CFAP20DC: variants seen among roughly 807,000 people sequenced by gnomAD.
CFAP20DC encodes CFAP20 domain containing.
A neutral mutation model predicts 101.7 loss-of-function variants in CFAP20DC; 84 were observed. That is an observed-to-expected ratio of 0.83 (90% CI 0.69 to 0.99). The LOEUF is 0.99. Among genes scored for constraint, CFAP20DC ranks in the 50% least tolerant of loss-of-function variants. The pLI is 0.00. For synonymous variants in CFAP20DC, 359 were observed against 351.2 expected, an observed-to-expected ratio of 1.02 and a Z score of -0.25; for missense variants, 1,007 against 970.3, an observed-to-expected ratio of 1.04 and a Z score of -0.50.
chr3:58,730,006 G>A (rs1014568618), intron 3 of CFAP20DC, among the ~76,000 whole-genome samples: 11 of 118,250 alleles, frequency 9.3e-5, no homozygotes, highest in Middle Eastern at 8.2e-3. Context: ...CAATGAGAGC[G>A]AAACCTGTCT....
intron 6 of CFAP20DC, among the ~76,000 whole-genome samples, chr3:58,896,346 GTTGA>G (rs1559786373): frequency 6.6e-6 from 1 of 151,870 alleles, no homozygotes; most frequent in African/African-American, 2.4e-5. Flanking sequence ...TCCTGGACTC[GTTGA>G]TTTTTTGAAA....
In CFAP20DC at chr3:58,811,680, G is replaced by T. The variant is rs182293736; in HGVS notation, c.2176-5224C>A. Among the ~76,000 whole-genome samples the T allele has an allele frequency of 3.2e-4, 48 of 152,202 alleles. No homozygotes were observed. In the East Asian group the frequency reaches 7.3e-3, roughly 23 times the overall value. On this transcript the variant is annotated intron_variant, in intron 14 of 16. Transcript: ENST00000482387. ...CATGTCTAAAACACCAAAGTCAATG[G>T]CAACAAAAGCCAAAATTGACAAATG...
chr3:58,783,449 T>C (rs781020656), intron 15 of CFAP20DC, among the ~76,000 whole-genome samples: 1 of 151,814 alleles, frequency 6.6e-6, no homozygotes, highest in Non-Finnish European at 1.5e-5. Context: ...TAAAAAAGCT[T>C]CTGCACAGCA....
Position 58,864,046 on chromosome 3 carries a change from C to G in CFAP20DC, c.1259-154G>C, listed in dbSNP as rs2079472590. Among the ~76,000 whole-genome samples the G allele has an allele frequency of 6.6e-6, 1 of 152,182 alleles. No individual in the cohort carries two copies. Among genetic ancestry groups the G allele is most frequent in the African/African-American group, 2.4e-5 (1 of 41,444 alleles). ...GATCTCGGCTCACTGCAACCTCCGC[C>G]TCCCAACCTTCAAGTGATTCTCCTG... On this transcript the variant is annotated intron_variant, in intron 11 of 16. Transcript: ENST00000482387. The surrounding 1 kb of genome is among the most constrained non-coding windows in gnomAD (Gnocchi z 4.7).
chr3:58,720,533 G>T (rs1173770832), intron 3 of CFAP20DC, among the ~76,000 whole-genome samples: 2 of 152,186 alleles, frequency 1.3e-5, no homozygotes, highest in African/African-American at 4.8e-5. Context: ...GGTGGAACAG[G>T]CGGAAGAAAT....
At chr3:58,943,806 C>A (rs995744234) in intron 4 of CFAP20DC, among the ~76,000 whole-genome samples, 1 of 151,930 alleles carries the variant, frequency 6.6e-6, no homozygotes, top group African/African-American at 2.4e-5. Flanking sequence ...TAACCCAATG[C>A]AAGGTAGCTA....
chr3:58,776,172 A>G (rs1228739651), intron 15 of CFAP20DC, among the ~76,000 whole-genome samples: 1 of 151,846 alleles, frequency 6.6e-6, no homozygotes, highest in Non-Finnish European at 1.5e-5. Context: ...GCAACAGTCC[A>G]CTCTTGGAAT....
intron 15 of CFAP20DC, among the ~76,000 whole-genome samples, chr3:58,767,631 C>T (rs1268435243): frequency 3.3e-5 from 5 of 152,180 alleles, no homozygotes; most frequent in African/African-American, 9.6e-5. Flanking sequence ...TAGCTTCAAG[C>T]GATTCTCCCA....
At chr3:58,856,333 A>G (rs570924262) in intron 12 of CFAP20DC, among the ~76,000 whole-genome samples, 44 of 150,996 alleles carry the variant, frequency 2.9e-4, no homozygotes, top group African/African-American at 9.5e-4. Flanking sequence ...GGAGATACTT[A>G]TCTTTCAGTG....
chr3:59,035,225 C>T (rs1438513396), intron 4 of CFAP20DC, among the ~76,000 whole-genome samples: 1 of 152,086 alleles, frequency 6.6e-6, no homozygotes, highest in Non-Finnish European at 1.5e-5. Flanking sequence ...CACTAAATGC[C>T]CACATCAGAA....
intron 16 of CFAP20DC, among the ~76,000 whole-genome samples, chr3:58,750,911 T>C (rs933853128): frequency 6.6e-6 from 1 of 152,174 alleles, no homozygotes; most frequent in Non-Finnish European, 1.5e-5. Flanking sequence ...CCAAAATATA[T>C]GGGTCAAAGT....
chr3:58,982,185 A>G (rs1285693759), intron 4 of CFAP20DC, among the ~76,000 whole-genome samples: 1 of 152,194 alleles, frequency 6.6e-6, no homozygotes, highest in Non-Finnish European at 1.5e-5. Flanking sequence ...TTAGAATGGC[A>G]ATCATTAAAA....
chr3:58,961,249 C>T (rs555623643), intron 4 of CFAP20DC, among the ~76,000 whole-genome samples: 1 of 152,266 alleles, frequency 6.6e-6, no homozygotes, highest in Non-Finnish European at 1.5e-5. Flanking sequence ...ATAGCGGTCT[C>T]ATAATGAATA....
chr3:58,780,924 T>C (rs1181280221), intron 15 of CFAP20DC, among the ~76,000 whole-genome samples: 9 of 152,062 alleles, frequency 5.9e-5, no homozygotes, highest in Admixed American at 2.0e-4. Context: ...GAATTACACA[T>C]TAGACCAAAT....
intron 15 of CFAP20DC, among the ~76,000 whole-genome samples, chr3:58,766,196 A>T (rs890945588): frequency 7.2e-5 from 11 of 152,014 alleles, no homozygotes; most frequent in African/African-American, 2.7e-4. Context: ...TGTACTGCAA[A>T]AACAGGCATA....
At chr3:58,849,946 A>G (rs1324621299) in intron 12 of CFAP20DC, among the ~76,000 whole-genome samples, 4 of 152,208 alleles carry the variant, frequency 2.6e-5, no homozygotes, top group Non-Finnish European at 2.9e-5. Flanking sequence ...CATGTTTTAT[A>G]AAGTATTTTT....
chr3:58,920,292 A>G (rs1301917293), intron 5 of CFAP20DC, among the ~76,000 whole-genome samples: 3 of 151,974 alleles, frequency 2.0e-5, no homozygotes, highest in East Asian at 1.9e-4. Flanking sequence ...GGGGGTCTCC[A>G]TATGTGGTCC....
At chr3:58,889,772 T>A (rs1436111499) in intron 6 of CFAP20DC, among the ~76,000 whole-genome samples, 6 of 136,046 alleles carry the variant, frequency 4.4e-5, no homozygotes, top group Admixed American at 2.3e-4. Flanking sequence ...GCATGCTGCC[T>A]TCAAGCATGT....
intron 15 of CFAP20DC, among the ~76,000 whole-genome samples, chr3:58,786,332 C>A (rs1247551142): frequency 6.6e-6 from 1 of 152,114 alleles, no homozygotes; most frequent in Non-Finnish European, 1.5e-5. Context: ...AGTCTCTGCT[C>A]CCATGGAGCT....
Sources: allele counts gnomAD v4.1 joint callset (sites outside exome capture counted in the v4.1 genomes callset), GRCh38; gene constraint gnomAD v4.1.1; non-coding constraint Gnocchi (gnomAD v3.1); transcripts MANE v1.5; gene names NCBI Gene and HGNC (gene_info 2026-07-23, HGNC 2026-07-21).